The following CDK11B variants were observed in gnomAD, a reference collection of about 807,000 sequenced individuals.
CDK11B encodes cyclin dependent kinase 11B, also known as cyclin-dependent kinase 11B.
In CDK11B, 37 loss-of-function variants were observed where a neutral mutation model predicts 84.0. The observed-to-expected ratio is 0.44, with a 90% confidence interval of 0.34 to 0.58. The LOEUF (loss-of-function observed/expected upper bound fraction) is 0.58. Ranked by LOEUF, CDK11B falls within the 20% of genes least tolerant of loss-of-function variation. CDK11B has a pLI of 0.02. For missense variants in CDK11B, 427 were observed against 834.0 expected, an observed-to-expected ratio of 0.51 and a Z score of 6.01; for synonymous variants, 269 against 309.8, an observed-to-expected ratio of 0.87 and a Z score of 1.38.
At chr1:1,648,057 A>G (rs1641399263) in intron 5 of CDK11B, among the ~76,000 whole-genome samples, 1 of 152,288 alleles carries the variant, frequency 6.6e-6, no homozygotes, top group South Asian at 2.1e-4. Context: ...TTTGTCAGAG[A>G]CAAGGTCTCC....
chr1:1,651,435 C>A (rs1165553284), intron 4 of CDK11B, among the ~76,000 whole-genome samples: 1 of 64,036 alleles, frequency 1.6e-5, no homozygotes, highest in Non-Finnish European at 3.0e-5. Context: ...CCCCTCTGAA[C>A]GGTCTGTGAC....
chr1:1,651,069 G>A (rs1335042167), intron 4 of CDK11B, among the ~76,000 whole-genome samples: 1 of 152,128 alleles, frequency 6.6e-6, no homozygotes, highest in Non-Finnish European at 1.5e-5. Context: ...AATTAATCAA[G>A]TGTATTTATA....
At chr1:1,645,676 C>A (rs1286393959) in intron 5 of CDK11B, 4 of 334,270 alleles carry the variant, frequency 1.2e-5, no homozygotes, top group African/African-American at 8.8e-5. Context: ...CCGTGCCCAG[C>A]TGCCATTTCC....
rs1212256890 is a variant in CDK11B, at chr1:1,650,268, C to CAAAAAAAAAAAAAAAAAAAAA, written c.356-632_356-631insTTTTTTTTTTTTTTTTTTTTT. 7.6e-3 allele frequency among the ~76,000 whole-genome samples: 346 copies of CAAAAAAAAAAAAAAAAAAAAA among 45,608 alleles called. 13 individuals are homozygous for CAAAAAAAAAAAAAAAAAAAAA. Among genetic ancestry groups the CAAAAAAAAAAAAAAAAAAAAA allele is most frequent in the Non-Finnish European group, 0.012 (287 of 23,308 alleles). 29.9% of individuals were successfully genotyped at this position (45,608 alleles called of 152,430 possible). A position where few individuals can be genotyped will look rare whatever the true frequency, so the allele number is the denominator to read the frequency against. On this transcript the variant is annotated intron_variant, in intron 4 of 19. Transcript: ENST00000341832. ...CTGGGTGACAAGCAAGACTCCGTCC[C>CAAAAAAAAAAAAAAAAAAAAA]AAAAAAAAAAAAAAAAGAAATTAAA...
chr1:1,639,383 C>T (rs571229099), intron 11 of CDK11B, among the ~76,000 whole-genome samples: 2 of 151,880 alleles, frequency 1.3e-5, no homozygotes, highest in Admixed American at 1.3e-4. Flanking sequence ...AGCCACTCCA[C>T]TCCGGCCTGG....
chr1:1,658,231 T>C (rs1177283584), intron 1 of CDK11B, among the ~76,000 whole-genome samples: 21 of 149,844 alleles, frequency 1.4e-4, no homozygotes, highest in African/African-American at 4.0e-4. Context: ...TGTAGTCCCA[T>C]ATACTCTGCA....
At position 1,636,951 on chromosome 1, in the gene CDK11B, G is replaced by C. The variant is rs774028557; in HGVS notation, c.1746C>G (p.Thr582=). The C allele has an allele frequency of 8.1e-6, 13 of 1,609,308 alleles. No individual in the cohort carries two copies. The highest frequency in any genetic ancestry group is 1.1e-5 in the Non-Finnish European group (13 of 1,177,120). The stretch of plus-strand genomic sequence containing the variant: ...GGTACCACAGGGTCACCACGACCGG[G>C]GTGTAGGCCTTCAGAGGGGATCCGT... ...REYGSPLKAY[T]PVVVTLWYRA... is the part of the protein sequence containing the mutation. Residue 582 remains threonine, a synonymous_variant, in exon 16 of 20, where the codon ACC becomes ACG. Transcript: ENST00000341832.
At chr1:1,641,185 C>T (rs1384648270) in intron 9 of CDK11B, 72 bp from the exon 10 acceptor site, 39 of 1,548,752 alleles carry the variant, frequency 2.5e-5, no homozygotes, top group African/African-American at 5.5e-5. Flanking sequence ...ATGCGGGCTC[C>T]GCTTCAGCTA....
At chr1:1,653,862 AC>A (rs766788309) in intron 3 of CDK11B, among the ~76,000 whole-genome samples, 8,491 of 143,364 alleles carry the variant, frequency 0.059, 778 homozygotes, top group African/African-American at 0.22. Flanking sequence ...ACACACACAC[AC>A]CCGAGCGTGG....
intron 4 of CDK11B, among the ~76,000 whole-genome samples, chr1:1,650,520 C>A (rs1641863061): frequency 6.6e-6 from 1 of 151,050 alleles, no homozygotes; most frequent in Non-Finnish European, 1.5e-5. Context: ...CGCCTGCCAC[C>A]ACGCCCGGCT....
intron 2 of CDK11B, among the ~76,000 whole-genome samples, chr1:1,656,035 A>G (rs114555282): frequency 1.3e-5 from 2 of 152,356 alleles, no homozygotes; most frequent in Non-Finnish European, 2.9e-5. Context: ...TTAGTTGCTT[A>G]TATGAGCCAA....
chr1:1,638,978 TC>T (rs1371881417), intron 11 of CDK11B, among the ~76,000 whole-genome samples: 1 of 147,278 alleles, frequency 6.8e-6, no homozygotes, highest in Non-Finnish European at 1.5e-5. Context: ...TCTCGCTCTG[TC>T]ACCCAGGCTG....
At position 1,652,448 on chromosome 1, in the gene CDK11B, C is replaced by T. The variant is rs1339974096; in HGVS notation, c.346G>A (p.Ala116Thr). Residue 116 changes from alanine (A) to threonine (T), a missense_variant, in exon 4 of 20, where the codon GCA becomes ACA. Physicochemically the swap from Ala to Thr is moderately conservative, Grantham distance 58 (BLOSUM62 0). Transcript: ENST00000341832. ...KEKRRHRSHS[A>T]EGGKHARVKE... ...GTAAATGCTTCTGTACCCCCTTCTG[C>T]TGAATGGCTACGATGCCTACGTTTC... is the stretch of plus-strand genomic sequence containing the variant. The T allele has an allele frequency of 1.3e-6, 2 of 1,504,782 alleles. No individual in the cohort carries two copies. Among genetic ancestry groups the T allele is most frequent in the African/African-American group, 2.9e-5 (2 of 68,344 alleles). 93.2% of individuals were successfully genotyped at this position (1,504,782 alleles called of 1,614,324 possible). A position where few individuals can be genotyped will look rare whatever the true frequency, so the allele number is the denominator to read the frequency against.
intron 1 of CDK11B, among the ~76,000 whole-genome samples, 184 bp downstream of exon 1, chr1:1,658,730 C>G (rs1325618387): frequency 4.0e-5 from 6 of 149,776 alleles, no homozygotes; most frequent in Non-Finnish European, 3.0e-5. Context: ...TGGCTCCAGA[C>G]AGCGTTTGGA....
chr1:1,639,857 T>A (rs1365159549), intron 11 of CDK11B, among the ~76,000 whole-genome samples: 1 of 151,978 alleles, frequency 6.6e-6, no homozygotes, highest in Non-Finnish European at 1.5e-5. Flanking sequence ...GTCACACATC[T>A]ACACTGACTC....
At chr1:1,636,200 G>A (rs1217576479) in intron 18 of CDK11B, 74 bp from the exon 19 acceptor site, 13 of 880,836 alleles carry the variant, frequency 1.5e-5, no homozygotes, top group Admixed American at 2.7e-5. Context: ...GGCTGTGTTG[G>A]GACGGGGCTC....
intron 5 of CDK11B, among the ~76,000 whole-genome samples, chr1:1,648,866 T>A (rs1380836671): frequency 6.6e-6 from 1 of 152,052 alleles, no homozygotes; most frequent in Non-Finnish European, 1.5e-5. Context: ...ACCTCCAGGC[T>A]CAAGGGATCC....
Position 1,649,564 on chromosome 1 carries a change from T to C in CDK11B, c.429A>G (p.Lys143=). The C allele has an allele frequency of 6.2e-7, 1 of 1,606,082 alleles. No individual in the cohort carries two copies. The highest frequency in any genetic ancestry group is 8.5e-7 in the Non-Finnish European group (1 of 1,172,810). The change falls in exon 5 of 20, where the codon AAA becomes AAG. Residue 143 remains lysine (K), a synonymous_variant. Transcript: ENST00000341832. Reference sequence around the variant, plus strand: ...TCTGTCTTTCCCATTCCCGGCGAGCTTTATCCTGTTCTTCTCGATGCCGTT... The same window carrying C: ...TCTGTCTTTCCCATTCCCGGCGAGCCTTATCCTGTTCTTCTCGATGCCGTT... ...RRKRHREEQD[K]ARREWERQKR...
chr1:1,644,730 G>C (rs1170339818), intron 6 of CDK11B, among the ~76,000 whole-genome samples: 1 of 152,186 alleles, frequency 6.6e-6, no homozygotes, highest in Non-Finnish European at 1.5e-5. Flanking sequence ...GGTGGCTCAC[G>C]CCTGTAATCG....
Sources: allele counts gnomAD v4.1 joint callset (sites outside exome capture counted in the v4.1 genomes callset), GRCh38; gene constraint gnomAD v4.1.1; transcripts MANE v1.5; gene names NCBI Gene and HGNC (gene_info 2026-07-23, HGNC 2026-07-21).